The following SAXO4 variants were observed in gnomAD, a reference collection of about 807,000 sequenced individuals.
SAXO4 encodes stabilizer of axonemal microtubules 4, also known as protein phosphatase 1 regulatory subunit 32.
the SAXO4 span, chr11:61,484,758 T>G: frequency 1.2e-6 from 2 of 1,612,802 alleles, no homozygotes; most frequent in South Asian, 2.2e-5. Flanking sequence ...CCCAGGGAAG[T>G]GCCTCTGCTC....
chr11:61,481,978 C>T, the SAXO4 span: 1 of 1,190,234 alleles, frequency 8.4e-7, no homozygotes, highest in Non-Finnish European at 1.2e-6. Context: ...GAGGGGCTCT[C>T]TCTGAGGGAG....
the SAXO4 span, chr11:61,484,735 C>T: frequency 1.2e-6 from 2 of 1,613,536 alleles, no homozygotes; most frequent in East Asian, 2.2e-5. Flanking sequence ...CTCAGGCCAT[C>T]ACGGGGCTGG....
chr11:61,482,808 G>A, the SAXO4 span: 1 of 1,605,462 alleles, frequency 6.2e-7, no homozygotes. Context: ...CCACCAAGGA[G>A]GTCAGTGCTG....
chr11:61,485,821 C>G, the SAXO4 span: 3 of 1,613,624 alleles, frequency 1.9e-6, no homozygotes, highest in Non-Finnish European at 2.5e-6. Context: ...AGAAATCGAT[C>G]GGCGCAAAGG....
At chr11:61,486,410 T>C in the SAXO4 span, 2 of 1,614,100 alleles carry the variant, frequency 1.2e-6, no homozygotes, top group East Asian at 2.2e-5. Context: ...ACATGTAAGC[T>C]GAGCTAGGGG....
At chr11:61,489,760 A>G in the SAXO4 span, 1 of 1,613,816 alleles carries the variant, frequency 6.2e-7, no homozygotes, top group South Asian at 1.1e-5. Context: ...GCTTCCAGCC[A>G]AGGACCCCTC....
the SAXO4 span, chr11:61,482,376 C>T: frequency 1.4e-4 from 229 of 1,614,088 alleles, no homozygotes; most frequent in Non-Finnish European, 1.8e-4. Flanking sequence ...AAATTTCCAG[C>T]CCGTGGTCTC....
At chr11:61,485,080 C>T in the SAXO4 span, among the ~76,000 whole-genome samples, 1 of 152,214 alleles carries the variant, frequency 6.6e-6, no homozygotes, top group Non-Finnish European at 1.5e-5. Context: ...GTCTCGGTCC[C>T]TCTGGGCCCC....
the SAXO4 span, chr11:61,484,616 G>A: frequency 6.3e-7 from 1 of 1,580,468 alleles, no homozygotes; most frequent in South Asian, 1.2e-5. Context: ...GCTCTGTAAA[G>A]GTCAAGGGCA....
chr11:61,485,851 ACAGTCCCAC>A, the SAXO4 span: 1 of 1,613,944 alleles, frequency 6.2e-7, no homozygotes, highest in Non-Finnish European at 8.5e-7. Context: ...GCTTCACCAA[ACAGTCCCAC>A]CAGAGCCCCA....
At chr11:61,489,886 G>T in the SAXO4 span, 3 of 1,613,908 alleles carry the variant, frequency 1.9e-6, no homozygotes, top group Admixed American at 1.7e-5. Flanking sequence ...CCGGTCAGCT[G>T]CATGGAGGCC....
At chr11:61,481,740 C>A in the SAXO4 span, 95 of 870,644 alleles carry the variant, frequency 1.1e-4, no homozygotes, top group African/African-American at 1.6e-3. Context: ...GGCTTCCGAG[C>A]CAGGCTTGGG....
At chr11:61,484,647 C>T in the SAXO4 span, 6 of 1,608,252 alleles carry the variant, frequency 3.7e-6, no homozygotes, top group Non-Finnish European at 5.1e-6. Flanking sequence ...CAGGGAGTGA[C>T]TGCCGCCCCC....
chr11:61,483,879 A>G, the SAXO4 span, among the ~76,000 whole-genome samples: 1 of 151,458 alleles, frequency 6.6e-6, no homozygotes, highest in South Asian at 2.1e-4. Context: ...AATTGCTTGA[A>G]CTCGGGAGGC....
At chr11:61,487,134 C>A in the SAXO4 span, 1 of 1,613,718 alleles carries the variant, frequency 6.2e-7, no homozygotes, top group Non-Finnish European at 8.5e-7. Flanking sequence ...CCTGTCTACC[C>A]CTCTTGTGCA....
the SAXO4 span, chr11:61,486,491 T>A: frequency 6.2e-7 from 1 of 1,610,578 alleles, no homozygotes; most frequent in African/African-American, 1.3e-5. Flanking sequence ...GGCAGCCACA[T>A]CCTGGTGCCA....
At chr11:61,489,666 C>G in the SAXO4 span, 1 of 1,075,834 alleles carries the variant, frequency 9.3e-7, no homozygotes. Context: ...TAGACGAGGA[C>G]AGCATGAGCA....
At chr11:61,482,823 A>C in the SAXO4 span, 1 of 1,583,116 alleles carries the variant, frequency 6.3e-7, no homozygotes, top group South Asian at 1.1e-5. Flanking sequence ...GTGCTGGGCC[A>C]GGGCCAGGAG....
At chr11:61,486,819 G>T in the SAXO4 span, 1 of 913,248 alleles carries the variant, frequency 1.1e-6, no homozygotes, top group South Asian at 1.5e-5. Flanking sequence ...TTGGCTGGAA[G>T]GGGAAGGGAG....
Sources: gnomAD v4.1 joint callset for allele counts (sites outside exome capture counted in the v4.1 genomes callset) on GRCh38, gnomAD v4.1.1 for gene constraint, MANE v1.5 for transcripts, NCBI Gene and HGNC (gene_info 2026-07-23, HGNC 2026-07-21) for gene names.